CAST: variants seen among roughly 807,000 people sequenced by gnomAD.
CAST encodes MIR583 host.
In CAST, 76 loss-of-function variants were observed where a neutral mutation model predicts 119.6. That is an observed-to-expected ratio of 0.64 (90% CI 0.53 to 0.77). CAST has a LOEUF of 0.77. CAST is among the 30% of genes least tolerant of loss of function. CAST has a pLI of 0.00. For missense variants in CAST, 953 were observed against 946.5 expected (o/e 1.01, Z -0.09); for synonymous variants, 319 against 331.6 (o/e 0.96, Z 0.41).
At chr5:96,329,827 ACT>A in the CAST span, among the ~76,000 whole-genome samples, 4 of 152,144 alleles carry the variant, frequency 2.6e-5, no homozygotes, top group African/African-American at 9.7e-5. Flanking sequence ...ATCTCAAGAA[ACT>A]CTGCAAATAT....
the CAST span, chr5:96,425,687 T>C: frequency 4.4e-6 from 3 of 676,676 alleles, no homozygotes; most frequent in Non-Finnish European, 8.0e-6. Flanking sequence ...CCATCAGCCC[T>C]AATCTCCAGA....
the CAST span, among the ~76,000 whole-genome samples, chr5:96,191,733 C>T: frequency 6.6e-6 from 1 of 152,268 alleles, no homozygotes; most frequent in South Asian, 2.1e-4. Context: ...CCACACCCAG[C>T]TAATTTTTGT....
chr5:96,183,262 A>G, the CAST span, among the ~76,000 whole-genome samples: 1 of 150,990 alleles, frequency 6.6e-6, no homozygotes, highest in Non-Finnish European at 1.5e-5. Flanking sequence ...AACATTTCCT[A>G]TGTTTGCTTT....
At chr5:96,678,473 A>G (rs894162890) in intron 2 of CAST, among the ~76,000 whole-genome samples, 1 of 152,142 alleles carries the variant, frequency 6.6e-6, no homozygotes, top group African/African-American at 2.4e-5. Context: ...GGCACAGAGG[A>G]GGACTTTGGG....
chr5:96,429,312 A>G, the CAST span: 1 of 1,526,568 alleles, frequency 6.6e-7, no homozygotes, highest in South Asian at 1.1e-5. Context: ...TTTCAAGTGA[A>G]CCAATCTATA....
chr5:96,025,366 C>T, the CAST span, among the ~76,000 whole-genome samples: 1 of 152,046 alleles, frequency 6.6e-6, no homozygotes, highest in Admixed American at 6.6e-5. Context: ...CTTATAAAGG[C>T]ACTAATCTTA....
chr5:96,564,186 T>C (rs1746430781), intron 1 of CAST, among the ~76,000 whole-genome samples: 1 of 152,210 alleles, frequency 6.6e-6, no homozygotes, highest in African/African-American at 2.4e-5. Context: ...ATTACCTTCA[T>C]TTTATAGGAA....
the CAST span, among the ~76,000 whole-genome samples, chr5:96,280,819 C>T: frequency 1.3e-5 from 2 of 151,910 alleles, no homozygotes; most frequent in Non-Finnish European, 2.9e-5. Context: ...ACACTAAGCC[C>T]CTGTTACCTC....
At chr5:96,357,799 G>T in the CAST span, among the ~76,000 whole-genome samples, 1 of 151,946 alleles carries the variant, frequency 6.6e-6, no homozygotes, top group Admixed American at 6.6e-5. Context: ...CTCTTTTTTT[G>T]TTGTTTCTCA....
chr5:96,620,816 A>G (rs1747588709), intron 1 of CAST, among the ~76,000 whole-genome samples: 1 of 152,228 alleles, frequency 6.6e-6, no homozygotes, highest in South Asian at 2.1e-4. Flanking sequence ...ATTATTTTAA[A>G]TGCTCTTCTT....
the CAST span, among the ~76,000 whole-genome samples, chr5:95,963,725 C>CTTTTTTTTTTTTTTTTTTTTTTTTTT: frequency 3.8e-5 from 5 of 129,992 alleles, 1 homozygote; most frequent in African/African-American, 1.2e-4. Flanking sequence ...TTCTCTCTCT[C>CTTTTTTTTTTTTTTTTTTTTTTTTTT]TTTTTTTTTT....
chr5:96,605,811 C>A (rs1747242733), intron 1 of CAST, among the ~76,000 whole-genome samples: 1 of 152,146 alleles, frequency 6.6e-6, no homozygotes, highest in Non-Finnish European at 1.5e-5. Flanking sequence ...ATCACCAATT[C>A]TTTGTTAAAC....
At chr5:96,057,145 T>C in the CAST span, among the ~76,000 whole-genome samples, 1 of 152,188 alleles carries the variant, frequency 6.6e-6, no homozygotes, top group South Asian at 2.1e-4. Context: ...TATTTGAACA[T>C]GATTGAACAT....
At chr5:96,741,970 A>C in intron 15 of CAST, 1 of 173,242 alleles carries the variant, frequency 5.8e-6, no homozygotes, top group Non-Finnish European at 1.2e-5. Context: ...TCTCAACTAT[A>C]TTTCACTATG....
chr5:96,330,022 C>T, the CAST span, among the ~76,000 whole-genome samples: 1 of 152,164 alleles, frequency 6.6e-6, no homozygotes, highest in Admixed American at 6.5e-5. Context: ...CTTGATTTCA[C>T]AGTGAATTAC....
At chr5:96,275,056 T>C in the CAST span, among the ~76,000 whole-genome samples, 1 of 152,200 alleles carries the variant, frequency 6.6e-6, no homozygotes, top group Admixed American at 6.5e-5. Context: ...ATTAACACGT[T>C]GAGGTGGTAG....
chr5:96,074,365 G>A, the CAST span, among the ~76,000 whole-genome samples: 5 of 152,232 alleles, frequency 3.3e-5, no homozygotes, highest in African/African-American at 9.6e-5. Flanking sequence ...ATGAGGTCAC[G>A]AGGGTTGGAC....
chr5:96,256,132 A>G, the CAST span, among the ~76,000 whole-genome samples: 1 of 151,002 alleles, frequency 6.6e-6, no homozygotes, highest in Non-Finnish European at 1.5e-5. Context: ...TTATGTATAT[A>G]AATGTATCAC....
At chr5:96,477,485 A>G in the CAST span, among the ~76,000 whole-genome samples, 118 of 152,310 alleles carry the variant, frequency 7.7e-4, no homozygotes, top group African/African-American at 2.8e-3. Flanking sequence ...CACTTTCACA[A>G]TTTGCTTTAA....
Sources: gnomAD v4.1 joint callset for allele counts (sites outside exome capture counted in the v4.1 genomes callset) on GRCh38, gnomAD v4.1.1 for gene constraint, MANE v1.5 for transcripts, NCBI Gene and HGNC (gene_info 2026-07-23, HGNC 2026-07-21) for gene names.